The following ASCC3 variants were observed in gnomAD, a reference collection of about 807,000 sequenced individuals.
ASCC3 encodes the protein ASC-1 complex subunit P200.
Under a neutral mutation model 256.3 loss-of-function variants are expected in ASCC3, and 158 were observed. The observed-to-expected ratio is 0.62, with a 90% confidence interval of 0.54 to 0.70. The LOEUF is 0.70. Among genes scored for constraint, ASCC3 ranks in the 30% least tolerant of loss-of-function variants. The pLI is 0.00. For missense variants in ASCC3, 2,259 were observed against 2,626.0 expected (o/e 0.86, Z 3.05); for synonymous variants, 948 against 883.4 (o/e 1.07, Z -1.30).
chr6:100,639,720 T>C (rs565272209), intron 24 of ASCC3, among the ~76,000 whole-genome samples: 1 of 152,292 alleles, frequency 6.6e-6, no homozygotes, highest in East Asian at 1.9e-4. Context: ...TTTAAAAAAT[T>C]ATCCTTTCCC....
chr6:100,624,094 T>G (rs530662996), intron 30 of ASCC3, among the ~76,000 whole-genome samples: 5 of 151,676 alleles, frequency 3.3e-5, no homozygotes, highest in African/African-American at 9.7e-5. Flanking sequence ...TGTACACATG[T>G]ACCCTAAAAC....
intron 3 of ASCC3, among the ~76,000 whole-genome samples, chr6:100,855,172 G>A (rs984976756): frequency 1.1e-4 from 16 of 151,298 alleles, no homozygotes; most frequent in Admixed American, 9.2e-4. Context: ...GGAGTGCAGT[G>A]GCACAATCTT....
chr6:100,609,976 G>T (rs1297535379), intron 30 of ASCC3, among the ~76,000 whole-genome samples: 2 of 152,128 alleles, frequency 1.3e-5, no homozygotes, highest in Non-Finnish European at 2.9e-5. Context: ...CCTTGAAGCA[G>T]AGGATAACAT....
Position 100,532,748 on chromosome 6 carries a change from T to C in ASCC3, c.5775+7415A>G. ...GCTTTTCATTTACATGATTTTGAAA[T>C]AGACTAGAAAGCTTTCCCTATAAAC... On this transcript the variant is annotated intron_variant, in intron 37 of 41. Coordinates refer to ENST00000369162, the MANE Select transcript of ASCC3 (RefSeq NM_006828.4). Among the ~76,000 whole-genome samples, 2 of 152,096 alleles carry C rather than the reference T, an allele frequency of 1.3e-5. 1 individual carries two copies. Among genetic ancestry groups the C allele is most frequent in the Non-Finnish European group, 2.9e-5 (2 of 67,970 alleles).
intron 11 of ASCC3, 137 bp downstream of exon 11, chr6:100,725,402 C>T: frequency 9.6e-7 from 1 of 1,037,314 alleles, no homozygotes. Flanking sequence ...CAGGTACATT[C>T]CCCCTTTTAA....
At chr6:100,792,646 A>C (rs1424142093) in intron 8 of ASCC3, among the ~76,000 whole-genome samples, 1 of 151,994 alleles carries the variant, frequency 6.6e-6, no homozygotes, top group African/African-American at 2.4e-5. Context: ...GAGAAAATTT[A>C]CATTTCCATT....
At chr6:100,723,860 T>TTATATATATATA (rs58924032) in intron 11 of ASCC3, among the ~76,000 whole-genome samples, 34 of 110,226 alleles carry the variant, frequency 3.1e-4, no homozygotes, top group African/African-American at 5.2e-4. Flanking sequence ...TATTAGGGAA[T>TTATATATATATA]TATATATATA....
intron 36 of ASCC3, among the ~76,000 whole-genome samples, chr6:100,557,859 A>C (rs147104314): frequency 5.9e-4 from 90 of 152,056 alleles, no homozygotes; most frequent in African/African-American, 2.0e-3. Flanking sequence ...TAATTGGATT[A>C]TTTGTAACAC....
At chr6:100,690,436 A>C (rs1777790683) in intron 13 of ASCC3, among the ~76,000 whole-genome samples, 1 of 152,124 alleles carries the variant, frequency 6.6e-6, no homozygotes, top group African/African-American at 2.4e-5. Flanking sequence ...AAGGTAAAAA[A>C]ATTGACACTA....
rs768557615 is a variant in ASCC3 at position 100,625,240 on chromosome 6, C to T, written c.4737G>A (p.Leu1579=). The change falls in exon 30 of 42, where the codon CTG becomes CTA. Residue 1579 remains leucine, a synonymous_variant. Coordinates refer to ENST00000369162, the MANE Select transcript of ASCC3 (RefSeq NM_006828.4). The part of the protein sequence containing the change: ...RLTALELIAF[L]ATEEDPKQWL... Reference sequence around the variant, plus strand: ...ACTGCTTTGGATCTTCTTCAGTAGCCAGGAAGGCGATCAATTCCAAAGCAG... The same window carrying T: ...ACTGCTTTGGATCTTCTTCAGTAGCTAGGAAGGCGATCAATTCCAAAGCAG... 8 of 1,612,812 alleles carry T rather than the reference C, an allele frequency of 5.0e-6. No individual in the cohort carries two copies. The East Asian group carries it at 1.8e-4, about 36-fold the overall frequency.
chr6:100,843,035 A>G (rs977624110), intron 4 of ASCC3, among the ~76,000 whole-genome samples: 5 of 152,174 alleles, frequency 3.3e-5, no homozygotes, highest in Non-Finnish European at 5.9e-5. Flanking sequence ...TTAAATTAAT[A>G]TAGTAAAAAT....
chr6:100,753,367 C>G (rs11155636), intron 10 of ASCC3, among the ~76,000 whole-genome samples: 2 of 150,276 alleles, frequency 1.3e-5, no homozygotes, highest in Non-Finnish European at 3.0e-5. Context: ...TAAAATATCA[C>G]CATTAAAATT....
At chr6:100,509,581 C>T (rs1356521173) in intron 41 of ASCC3, 48 bp from the exon 42 acceptor site, 1 of 1,537,674 alleles carries the variant, frequency 6.5e-7, no homozygotes, top group Admixed American at 1.7e-5. Flanking sequence ...TTTGTAATCA[C>T]AATCATATTT....
chr6:100,644,116 A>G lies in ASCC3; in HGVS notation c.3647T>C (p.Val1216Ala). 1 of 1,611,844 alleles carries G rather than the reference A, an allele frequency of 6.2e-7. No individual in the cohort carries two copies. Among genetic ancestry groups the G allele is most frequent in the Non-Finnish European group, 8.5e-7 (1 of 1,178,362 alleles). The change falls in exon 23 of 42, where the codon GTA becomes GCA. Residue 1216 changes from valine to alanine, a missense_variant. By Grantham distance (64) the Val-to-Ala change is moderately conservative (BLOSUM62 0). Coordinates refer to ENST00000369162, the MANE Select transcript of ASCC3 (RefSeq NM_006828.4). ...TACCCAAATCCACCAAGGTTCTCCT[A>G]CTGTCCCATGTACCTAGAAGAAAAA... is the stretch of plus-strand genomic sequence containing the variant. ...FTWNDQVHGTVGEPWWIWVED... is the reference protein window; with the variant it reads ...FTWNDQVHGTAGEPWWIWVED...
At chr6:100,656,998 A>C (rs1775944719) in intron 16 of ASCC3, among the ~76,000 whole-genome samples, 1 of 151,336 alleles carries the variant, frequency 6.6e-6, no homozygotes, top group Non-Finnish European at 1.5e-5. Flanking sequence ...TAAAACCTTC[A>C]TGTTTAACTC....
At chr6:100,635,515 T>TAA (rs1774799385) in intron 25 of ASCC3, among the ~76,000 whole-genome samples, 1 of 152,120 alleles carries the variant, frequency 6.6e-6, no homozygotes, top group Non-Finnish European at 1.5e-5. Context: ...ACACCTAATA[T>TAA]ACAGCATGGT....
In ASCC3 at chr6:100,646,677, T is replaced by C. The variant is rs1775395930; in HGVS notation, c.3571A>G (p.Ile1191Val). 2 of 1,613,940 alleles carry C rather than the reference T, an allele frequency of 1.2e-6. No homozygotes were observed. The highest frequency in any genetic ancestry group is 1.3e-5 in the African/African-American group (1 of 75,050). The change falls in exon 22 of 42, where the codon ATC becomes GTC. Residue 1191 changes from isoleucine (I) to valine (V), a missense_variant. This residue lies in a region of ASCC3 where 1,839 missense variants were observed against 2,206.7 expected (regional missense o/e 0.83). Transcript: ENST00000369162. ...GTCACTCGGAGGACAGTCCTTGTGA[T>C]AGGCTGAATGGATGCTTCCATCATA... ...SVMMEASIQP[I>V]TRTVLRVTLS...
chr6:100,841,052 A>G (rs921977421), intron 4 of ASCC3, among the ~76,000 whole-genome samples: 4 of 152,208 alleles, frequency 2.6e-5, no homozygotes, highest in Non-Finnish European at 4.4e-5. Flanking sequence ...CAAAATCACA[A>G]TAAGAAACAA....
intron 16 of ASCC3, among the ~76,000 whole-genome samples, chr6:100,660,082 T>A (rs920880566): frequency 2.6e-5 from 4 of 151,394 alleles, no homozygotes; most frequent in African/African-American, 9.7e-5. Flanking sequence ...TTTTGGAAAA[T>A]GTTTTTAATA....
Sources: allele counts gnomAD v4.1 joint callset (sites outside exome capture counted in the v4.1 genomes callset), GRCh38; gene constraint gnomAD v4.1.1; regional missense constraint gnomAD v4.1.1; transcripts MANE v1.5; gene names NCBI Gene and HGNC (gene_info 2026-07-23, HGNC 2026-07-21).